KCNH8: variants seen among roughly 807,000 people sequenced by gnomAD.
KCNH8 encodes potassium voltage-gated channel subfamily H member 8, also known as voltage-gated delayed rectifier potassium channel KCNH8.
In KCNH8, 70 loss-of-function variants were observed where a neutral mutation model predicts 103.6. The observed-to-expected ratio is 0.68, with a 90% CI of 0.56 to 0.82. The LOEUF (loss-of-function observed/expected upper bound fraction) is 0.82. KCNH8 is among the 40% of genes least tolerant of loss of function. The pLI is 0.00. For missense variants in KCNH8, 1,217 were observed against 1,329.9 expected, an observed-to-expected ratio of 0.92 and a Z score of 1.32; for synonymous variants, 498 against 489.4, an observed-to-expected ratio of 1.02 and a Z score of -0.23.
At chr3:19,375,541 T>G (rs2066181041) in intron 5 of KCNH8, among the ~76,000 whole-genome samples, 1 of 150,138 alleles carries the variant, frequency 6.7e-6, no homozygotes, top group Non-Finnish European at 1.5e-5. Flanking sequence ...CTTCTTTGCC[T>G]TTGGTTTGAA....
intron 4 of KCNH8, among the ~76,000 whole-genome samples, chr3:19,344,738 T>C (rs1415680165): frequency 6.6e-6 from 1 of 152,146 alleles, no homozygotes; most frequent in Admixed American, 6.6e-5. Context: ...AAATTCTGGC[T>C]GTAATAACAT....
At chr3:19,525,653 C>G (rs1478316600) in intron 15 of KCNH8, among the ~76,000 whole-genome samples, 1 of 151,952 alleles carries the variant, frequency 6.6e-6, no homozygotes, top group Non-Finnish European at 1.5e-5. Flanking sequence ...GAATCACTTT[C>G]AAGACTATAA....
intron 3 of KCNH8, among the ~76,000 whole-genome samples, chr3:19,327,610 A>G (rs1416730827): frequency 1.3e-5 from 2 of 152,106 alleles, no homozygotes; most frequent in African/African-American, 2.4e-5. Flanking sequence ...AATTATAGAC[A>G]ATCTAACCTT....
chr3:19,457,056 G>C (rs2067544177), intron 11 of KCNH8, 74 bp downstream of exon 11: 1 of 1,000,028 alleles, frequency 1.0e-6, no homozygotes, highest in Admixed American at 2.1e-5. Flanking sequence ...AGTAAAGGCA[G>C]ATGTCATGAC....
chr3:19,247,621 C>T (rs1386295507), intron 1 of KCNH8, among the ~76,000 whole-genome samples: 1 of 152,148 alleles, frequency 6.6e-6, no homozygotes, highest in Non-Finnish European at 1.5e-5. Context: ...GCATATGTTA[C>T]TATGAGTACT....
At chr3:19,160,570 A>C (rs1199839105) in intron 1 of KCNH8, among the ~76,000 whole-genome samples, 1 of 152,126 alleles carries the variant, frequency 6.6e-6, no homozygotes, top group Non-Finnish European at 1.5e-5. Context: ...TTTTAATGAA[A>C]TTATATACAG....
intron 1 of KCNH8, among the ~76,000 whole-genome samples, chr3:19,238,975 T>C (rs1280708693): frequency 6.6e-6 from 1 of 152,160 alleles, no homozygotes; most frequent in Non-Finnish European, 1.5e-5. Flanking sequence ...TATGTAATTA[T>C]TAGAATACAG....
chr3:19,250,549 T>C (rs1176519614), intron 1 of KCNH8, among the ~76,000 whole-genome samples: 1 of 152,200 alleles, frequency 6.6e-6, no homozygotes, highest in Non-Finnish European at 1.5e-5. Context: ...TAGGATAAAA[T>C]GAAATGTTTA....
intron 2 of KCNH8, among the ~76,000 whole-genome samples, chr3:19,266,526 C>T (rs1321268244): frequency 2.6e-5 from 4 of 152,224 alleles, no homozygotes; most frequent in Non-Finnish European, 5.9e-5. Flanking sequence ...TCACAGTAGG[C>T]ACCACCTTGT....
intron 10 of KCNH8, among the ~76,000 whole-genome samples, chr3:19,451,978 CAATATT>C (rs1292042257): frequency 6.6e-6 from 1 of 152,060 alleles, no homozygotes; most frequent in Non-Finnish European, 1.5e-5. Flanking sequence ...AATTGACTCT[CAATATT>C]AATACATAAT....
intron 1 of KCNH8, among the ~76,000 whole-genome samples, chr3:19,160,639 TG>T (rs1354029779): frequency 6.6e-6 from 1 of 152,168 alleles, no homozygotes; most frequent in Admixed American, 6.5e-5. Context: ...TTCTGTGAGC[TG>T]AATCCCAAAA....
chr3:19,148,947 C>T (rs2063101957), intron 1 of KCNH8, 152 bp downstream of exon 1: 7 of 734,084 alleles, frequency 9.5e-6, no homozygotes, highest in Middle Eastern at 2.5e-4. Context: ...AAATTTGTTC[C>T]CTCATGGTTT....
chr3:19,287,736 C>T (rs1342082605), intron 3 of KCNH8, among the ~76,000 whole-genome samples: 2 of 152,120 alleles, frequency 1.3e-5, no homozygotes, highest in African/African-American at 4.8e-5. Context: ...CAGGGATGTG[C>T]CACCACACCC....
intron 3 of KCNH8, among the ~76,000 whole-genome samples, chr3:19,302,962 CTTTATGG>C (rs546131919): frequency 1.9e-3 from 288 of 152,306 alleles, no homozygotes; most frequent in Non-Finnish European, 3.5e-3. Flanking sequence ...ATACTGTCCA[CTTTATGG>C]TTTATAGTCA....
chr3:19,152,846 G>C (rs2063143865), intron 1 of KCNH8, among the ~76,000 whole-genome samples: 1 of 152,074 alleles, frequency 6.6e-6, no homozygotes. Flanking sequence ...TGAGGCAGGA[G>C]AATCCCTTGA....
chr3:19,339,739 G>T (rs571315748), intron 3 of KCNH8, among the ~76,000 whole-genome samples: 8 of 152,170 alleles, frequency 5.3e-5, no homozygotes, highest in African/African-American at 1.9e-4. Flanking sequence ...CATTCAGTTA[G>T]ACTTTTGCGG....
At chr3:19,239,677 TCTATCTACCTAC>T (rs1231950226) in intron 1 of KCNH8, among the ~76,000 whole-genome samples, 2 of 145,810 alleles carry the variant, frequency 1.4e-5, no homozygotes, top group South Asian at 2.2e-4. Flanking sequence ...TATCTATCTA[TCTATCTACCTAC>T]CTACCTATCT....
At chr3:19,360,559 T>G (rs760039706) in intron 5 of KCNH8, among the ~76,000 whole-genome samples, 2 of 152,022 alleles carry the variant, frequency 1.3e-5, no homozygotes, top group Non-Finnish European at 2.9e-5. Context: ...TCACAATCAG[T>G]CCTTTAAACA....
Position 19,198,674 on chromosome 3 carries a change from A to G in KCNH8, c.76+49879A>G, listed in dbSNP as rs369379760. Among the ~76,000 whole-genome samples the G allele has an allele frequency of 2.2e-4, 33 of 152,108 alleles. 2 individuals carry two copies. In the South Asian group the frequency reaches 2.9e-3, roughly 13 times the overall value. On this transcript the variant is annotated intron_variant, in intron 1 of 15. Coordinates refer to ENST00000328405, the MANE Select transcript of KCNH8 (RefSeq NM_144633.3). ...AGTGACCCTTCCTTACCCCAAGAAC[A>G]AAAAAATTTTCCAAACAACCATTAT...
Sources: gnomAD v4.1 joint callset for allele counts (sites outside exome capture counted in the v4.1 genomes callset) on GRCh38, gnomAD v4.1.1 for gene constraint, MANE v1.5 for transcripts, NCBI Gene and HGNC (gene_info 2026-07-23, HGNC 2026-07-21) for gene names.